KAZN: variants seen among roughly 807,000 people sequenced by gnomAD.
KAZN encodes the protein kazrin, periplakin interacting protein, also known as kazrin.
In KAZN, 40 loss-of-function variants were observed where a neutral mutation model predicts 87.4. The ratio of observed to expected loss-of-function variants is 0.46; its 90% CI spans 0.36 to 0.60. KAZN has a LOEUF of 0.60. Ranked by LOEUF, KAZN falls within the 20% of genes least tolerant of loss-of-function variation. The probability of loss-of-function intolerance (pLI) is 0.00; values close to 1 mark genes in which losing one functional copy is unlikely to be tolerated. For synonymous variants in KAZN, 466 were observed against 458.3 expected, an observed-to-expected ratio of 1.02 and a Z score of -0.22; for missense variants, 898 against 1,073.9, an observed-to-expected ratio of 0.84 and a Z score of 2.29.
chr1:14,418,708 G>C (rs1314259884), intron 2 of KAZN, among the ~76,000 whole-genome samples: 2 of 152,128 alleles, frequency 1.3e-5, no homozygotes, highest in Admixed American at 1.3e-4. Context: ...GCAACTTTTT[G>C]TCTATGATCT....
intron 1 of KAZN, among the ~76,000 whole-genome samples, chr1:14,880,982 TG>T (rs1195641233): frequency 6.6e-6 from 1 of 152,166 alleles, no homozygotes; most frequent in Non-Finnish European, 1.5e-5. Flanking sequence ...CCAGTTAACA[TG>T]GGGAAAACAA....
intron 1 of KAZN, among the ~76,000 whole-genome samples, chr1:14,041,056 G>C (rs1282909184): frequency 1.3e-5 from 2 of 152,156 alleles, no homozygotes; most frequent in African/African-American, 4.8e-5. Flanking sequence ...TCGCTTGGCA[G>C]CTTCACTTTG....
intron 2 of KAZN, among the ~76,000 whole-genome samples, chr1:14,440,536 C>T (rs535696832): frequency 6.6e-6 from 1 of 152,294 alleles, no homozygotes; most frequent in East Asian, 1.9e-4. Flanking sequence ...CCTCTAATGC[C>T]TAATTCAGTA....
intron 1 of KAZN, among the ~76,000 whole-genome samples, chr1:14,912,157 A>T (rs1222829343): frequency 6.6e-6 from 1 of 151,526 alleles, no homozygotes; most frequent in African/African-American, 2.4e-5. Context: ...AAAAAAAAAA[A>T]AAAAAAAAAA....
intron 1 of KAZN, among the ~76,000 whole-genome samples, chr1:14,157,654 C>T (rs1035246298): frequency 2.0e-4 from 31 of 152,152 alleles, no homozygotes; most frequent in African/African-American, 6.8e-4. Context: ...TTTTAGGAGG[C>T]TTTCTTTATC....
chr1:14,896,658 G>A (rs764382766), intron 1 of KAZN, among the ~76,000 whole-genome samples: 1 of 152,034 alleles, frequency 6.6e-6, no homozygotes, highest in Admixed American at 6.6e-5. Flanking sequence ...ACTCCCAGCA[G>A]TGGGACAGAA....
chr1:14,400,746 T>C (rs1444367699), intron 2 of KAZN, among the ~76,000 whole-genome samples: 1 of 152,198 alleles, frequency 6.6e-6, no homozygotes, highest in Non-Finnish European at 1.5e-5. Flanking sequence ...CCCTGCTGCA[T>C]TGCCCATCAC....
intron 1 of KAZN, among the ~76,000 whole-genome samples, chr1:14,047,232 G>C (rs977536051): frequency 1.3e-5 from 2 of 152,122 alleles, no homozygotes; most frequent in African/African-American, 4.8e-5. Context: ...ACCCCCTCTC[G>C]GTTCCTGTTG....
intron 1 of KAZN, among the ~76,000 whole-genome samples, chr1:14,609,619 GATTCTCCTGCATTT>G (rs1677654645): frequency 6.6e-6 from 1 of 152,078 alleles, no homozygotes; most frequent in South Asian, 2.1e-4. Context: ...CTTTTTTCAG[GATTCTCCTGCATTT>G]ATTCACTCTT....
intron 2 of KAZN, among the ~76,000 whole-genome samples, chr1:14,971,011 C>T (rs1664968444): frequency 6.6e-6 from 1 of 152,166 alleles, no homozygotes; most frequent in South Asian, 2.1e-4. Flanking sequence ...ATTCCTTTGC[C>T]TGCGTGAGTC....
chr1:14,784,856 C>T (rs1279841934), intron 1 of KAZN, among the ~76,000 whole-genome samples: 5 of 152,104 alleles, frequency 3.3e-5, no homozygotes, highest in South Asian at 2.1e-4. Context: ...GGGCACTGGG[C>T]TGGAGTGATA....
intron 1 of KAZN, among the ~76,000 whole-genome samples, chr1:14,703,821 G>A (rs1473260380): frequency 6.6e-6 from 1 of 152,234 alleles, no homozygotes; most frequent in African/African-American, 2.4e-5. Context: ...CAAGGCTGCA[G>A]TGAGTTGTGA....
rs140451208 is a variant in KAZN, at chr1:14,128,508, C to A, written c.92-51927C>A. 1.2e-3 allele frequency among the ~76,000 whole-genome samples: 177 copies of A among 152,258 alleles called. 2 individuals are homozygous for A. In the East Asian group the frequency reaches 0.033, roughly 29 times the overall value. On this transcript the variant is annotated intron_variant, in intron 1 of 16. Transcript: ENST00000636203. ...GTCTCTCTCCTCGGCTTGCAGACAG[C>A]GGCCTTCTTGCTGCCTCTTCACATG...
At chr1:15,049,335 C>T (rs1356483533) in intron 4 of KAZN, among the ~76,000 whole-genome samples, 2 of 152,240 alleles carry the variant, frequency 1.3e-5, no homozygotes, top group Non-Finnish European at 2.9e-5. Flanking sequence ...ACGGGAAATG[C>T]TCTTCAGTTT....
intron 1 of KAZN, among the ~76,000 whole-genome samples, chr1:14,059,574 C>T (rs1421183382): frequency 1.3e-5 from 2 of 152,228 alleles, no homozygotes; most frequent in African/African-American, 4.8e-5. Flanking sequence ...AGTCCACGGA[C>T]TCAAAAGTCA....
chr1:14,674,367 G>T (rs1229685307), intron 1 of KAZN, among the ~76,000 whole-genome samples: 2 of 152,236 alleles, frequency 1.3e-5, no homozygotes, highest in Non-Finnish European at 2.9e-5. Flanking sequence ...GCTCTGTTGA[G>T]GATTTGATCA....
chr1:14,455,339 T>C (rs1667507543), intron 2 of KAZN, among the ~76,000 whole-genome samples: 1 of 152,198 alleles, frequency 6.6e-6, no homozygotes, highest in Non-Finnish European at 1.5e-5. Context: ...ATAAGCAACT[T>C]GAGGACAGAG....
At chr1:14,414,278 C>T (rs1557702155) in intron 2 of KAZN, among the ~76,000 whole-genome samples, 1 of 150,490 alleles carries the variant, frequency 6.6e-6, no homozygotes, top group African/African-American at 2.4e-5. Context: ...ACGGAAAAGA[C>T]TCCCACGAGT....
intron 2 of KAZN, among the ~76,000 whole-genome samples, chr1:14,386,142 CTTT>C (rs1418187301): frequency 6.9e-6 from 1 of 145,896 alleles, no homozygotes; most frequent in Non-Finnish European, 1.5e-5. Context: ...CAACCCCTGC[CTTT>C]TTTTGTTTTC....
Sources: gnomAD v4.1 joint callset for allele counts (sites outside exome capture counted in the v4.1 genomes callset) on GRCh38, gnomAD v4.1.1 for gene constraint, MANE v1.5 for transcripts, NCBI Gene and HGNC (gene_info 2026-07-23, HGNC 2026-07-21) for gene names.